The following MARF1 variants were observed in gnomAD, a reference collection of about 807,000 sequenced individuals.
The protein encoded by MARF1 is limkain-b1.
Under a neutral mutation model 168.2 loss-of-function variants are expected in MARF1, and 24 were observed. The observed-to-expected ratio is 0.14, with a 90% confidence interval of 0.10 to 0.20. The LOEUF is 0.20. Ranked by LOEUF, MARF1 falls within the 10% of genes least tolerant of loss-of-function variation. The pLI, the probability that MARF1 is intolerant of heterozygous loss-of-function variation, is 1.00. For missense variants in MARF1, 1,744 were observed against 2,143.6 expected (o/e 0.81, Z 3.68); for synonymous variants, 868 against 822.4 (o/e 1.06, Z -0.95).
Position 15,639,168 on chromosome 16 carries a change from A to G in MARF1, c.66T>C (p.Asn22=), listed in dbSNP as rs946335016. 1 of 1,614,004 alleles carries G rather than the reference A, an allele frequency of 6.2e-7. No individual in the cohort carries two copies. The highest frequency in any genetic ancestry group is 1.7e-5 in the Admixed American group (1 of 59,998). ...ATTTCCAAAGCCATGGCTTAGCATC[A>G]TTATCTTGTTGAAGCCATCCACGTG... The part of the protein sequence containing the change: ...SRTRGWLQQD[N]DAKPWLWKFS... Residue 22 remains asparagine, a synonymous_variant, in exon 2 of 27, where the codon AAT becomes AAC. Coordinates refer to ENST00000396368, the MANE Select transcript of MARF1 (RefSeq NM_014647.4).
Position 15,631,488 on chromosome 16 carries a change from G to A in MARF1, c.1244C>T (p.Ala415Val), listed in dbSNP as rs1245842825. The A allele has an allele frequency of 6.2e-7, 1 of 1,610,150 alleles. No homozygotes were observed. The change falls in exon 6 of 27, where the codon GCC (alanine) becomes GTC (valine). Residue 415 changes from alanine to valine, a missense_variant. Transcript: ENST00000396368. ...ATTCTTTGCAGTAGCATTGATGTGG[G>A]CAACGGTTACCTGCATTAATTTATA... ...QELNNCQVTVAHINATAKNAA... is the reference protein window; with the variant it reads ...QELNNCQVTVVHINATAKNAA...
chr16:15,636,088 G>A lies in MARF1; in HGVS notation c.399C>T (p.Gly133=), dbSNP rs771271360. The A allele has an allele frequency of 2.5e-5, 41 of 1,614,072 alleles. No individual in the cohort carries two copies. Among genetic ancestry groups the A allele is most frequent in the African/African-American group, 2.3e-4 (17 of 74,924 alleles). ...SGGTSSLIHP[G]ALLDSQSTRT... ...TGGTGCTTTGCGAGTCTAACAGTGC[G>A]CCCGGGTGAATCAAGCTACTGGTAC... Residue 133 remains glycine, a synonymous_variant, in exon 3 of 27, where the codon GGC becomes GGT. Transcript: ENST00000396368.
intron 13 of MARF1, among the ~76,000 whole-genome samples, chr16:15,619,045 G>A (rs940933162): frequency 6.6e-6 from 1 of 152,208 alleles, no homozygotes; most frequent in African/African-American, 2.4e-5. Context: ...GGAGGCCTAG[G>A]AGGGAGAATC....
intron 17 of MARF1, among the ~76,000 whole-genome samples, chr16:15,612,232 A>G (rs2033632266): frequency 6.6e-6 from 1 of 152,348 alleles, no homozygotes; most frequent in Middle Eastern, 3.4e-3. Context: ...ACCAACATAC[A>G]AGTATGTGGC....
Position 15,597,011 on chromosome 16 carries a change from T to C in MARF1, c.4985-74A>G. ...GTGTGGGTTTTCTCTTCCTTGCTCA[T>C]ATTTTCTCAAAAGATAATAATAGTA... On this transcript the variant is annotated intron_variant, in intron 26 of 26. Coordinates refer to ENST00000396368, the MANE Select transcript of MARF1 (RefSeq NM_014647.4). The C allele has an allele frequency of 2.0e-6, 3 of 1,467,528 alleles. 1 individual carries two copies. The highest frequency in any genetic ancestry group is 4.6e-5 in the East Asian group (2 of 43,428). The allele number at this position is 1,467,528 out of a possible 1,614,324, so 90.9% of individuals were successfully genotyped here.
intron 23 of MARF1, chr16:15,601,465 G>A (rs1359164577): frequency 1.4e-5 from 3 of 219,750 alleles, no homozygotes; most frequent in Non-Finnish European, 2.8e-5. Flanking sequence ...TTACCTGGAG[G>A]AGCCACGCCC....
In MARF1 at chr16:15,611,018, C is replaced by G; in HGVS notation, c.3708G>C (p.Leu1236Phe). Residue 1236 changes from leucine to phenylalanine, a missense_variant, in exon 19 of 27, where the codon TTG becomes TTC. Around this residue, in one of 7 missense-constraint regions of MARF1, gnomAD observed 543 missense variants for 742.1 expected, o/e 0.73. Transcript: ENST00000396368. ...TCACCATTTCATTATCTTGTTGGGA[C>G]AAGCAGATGGTTGTGTCTGGAATCT... ...VSEIPDTTICLSQQDNEMVIC... is the reference protein window; with the variant it reads ...VSEIPDTTICFSQQDNEMVIC... 2 of 1,613,958 alleles carry G rather than the reference C, an allele frequency of 1.2e-6. No homozygotes were observed. Among genetic ancestry groups the G allele is most frequent in the Non-Finnish European group, 8.5e-7 (1 of 1,179,898 alleles).
intron 1 of MARF1, among the ~76,000 whole-genome samples, chr16:15,640,880 G>A (rs999455000): frequency 1.3e-5 from 2 of 151,976 alleles, no homozygotes; most frequent in Non-Finnish European, 1.5e-5. Context: ...TATTTACTAC[G>A]TGGCTCTTTT....
chr16:15,617,458 C>T lies in MARF1; in HGVS notation c.2798G>A (p.Arg933Gln), dbSNP rs551423314. The change falls in exon 14 of 27, where the codon CGG becomes CAG. Residue 933 changes from arginine to glutamine, a missense_variant. Coordinates refer to ENST00000396368, the MANE Select transcript of MARF1 (RefSeq NM_014647.4). ...TVAIREQGNG[R>Q]LVCLLPSSQA... ...ACTGCTGGGTAGGAGACACACCAGC[C>T]GTCCGTTTCCTTGTTCACGGATTGC... 3 of 1,613,988 alleles carry T rather than the reference C, an allele frequency of 1.9e-6. No individual in the cohort carries two copies. The highest frequency in any genetic ancestry group is 2.2e-5 in the East Asian group (1 of 44,882).
intron 5 of MARF1, 21 bp downstream of exon 5, chr16:15,633,596 T>A (rs1020605422): frequency 3.5e-6 from 5 of 1,444,226 alleles, no homozygotes; most frequent in Non-Finnish European, 4.6e-6. Context: ...AGATTAAAAT[T>A]ATTAAATTTT....
At chr16:15,621,990 G>A (rs1181697647) in intron 11 of MARF1, 79 bp from the exon 12 acceptor site, 1 of 1,366,610 alleles carries the variant, frequency 7.3e-7, no homozygotes, top group Non-Finnish European at 1.0e-6. Flanking sequence ...GAACCATGAA[G>A]GAACACATTT....
Position 15,624,774 on chromosome 16 carries a change from A to T in MARF1, c.2265T>A (p.Ser755=). Reference sequence around the variant, plus strand: ...GGTCAAGAAGCTGGACTCACCTAGAAGACCAAGACTGAGATGCGAGCAGAG... The same window carrying T: ...GGTCAAGAAGCTGGACTCACCTAGATGACCAAGACTGAGATGCGAGCAGAG... ...VSPLLASQSW[S]SRSMSPNLLN... is the part of the protein sequence containing the mutation. The change falls in exon 10 of 27, where the codon TCT becomes TCA. Residue 755 remains serine, a synonymous_variant. Transcript: ENST00000396368. 1 of 1,613,928 alleles carries T rather than the reference A, an allele frequency of 6.2e-7. No individual in the cohort carries two copies. The highest frequency in any genetic ancestry group is 8.5e-7 in the Non-Finnish European group (1 of 1,179,948).
chr16:15,636,427 G>C (rs904030808), intron 2 of MARF1, 85 bp from the exon 3 acceptor site: 59 of 936,640 alleles, frequency 6.3e-5, no homozygotes, highest in Non-Finnish European at 1.8e-5. Flanking sequence ...TGCACAAACA[G>C]AAATAGTGTT....
chr16:15,638,957 G>C (rs753244349), intron 2 of MARF1, 133 bp downstream of exon 2: 1 of 766,582 alleles, frequency 1.3e-6, no homozygotes, highest in Non-Finnish European at 2.0e-6. Flanking sequence ...TGGTATAAGA[G>C]GCAATACAGG....
At chr16:15,618,611 G>A (rs750870835) in intron 13 of MARF1, among the ~76,000 whole-genome samples, 5 of 152,034 alleles carry the variant, frequency 3.3e-5, no homozygotes, top group South Asian at 2.1e-4. Context: ...CTGGGTGCTC[G>A]CCCACATCCC....
chr16:15,636,370 T>G, intron 2 of MARF1, 28 bp from the exon 3 acceptor site: 4 of 1,507,480 alleles, frequency 2.7e-6, no homozygotes, highest in Non-Finnish European at 3.6e-6. Context: ...GAACATAAAT[T>G]AATTTTATGA....
In MARF1 at chr16:15,604,394, G is replaced by C; in HGVS notation, c.4187C>G (p.Ala1396Gly). 6.2e-7 allele frequency: 1 copy of C among 1,611,294 alleles called. No homozygotes were observed. The highest frequency in any genetic ancestry group is 1.1e-5 in the South Asian group (1 of 91,038). The change falls in exon 22 of 27, where the codon GCC becomes GGC. Residue 1396 changes from alanine (A) to glycine (G), a missense_variant. Ala to Gly is a moderately conservative substitution (Grantham distance 60, BLOSUM62 0). Coordinates refer to ENST00000396368, the MANE Select transcript of MARF1 (RefSeq NM_014647.4). ...TQKLCHVVKV[A>G]DIESGRQIQL... ...AATCTGTCTGCCAGATTCTATATCGGCAACCTGGGGAAAACGAGAATTCAC... is the reference window on the plus strand; with the variant it reads ...AATCTGTCTGCCAGATTCTATATCGCCAACCTGGGGAAAACGAGAATTCAC...
At position 15,617,342 on chromosome 16, in the gene MARF1, GATATTC is replaced by G; in HGVS notation, c.2908_2913del (p.Glu970_Tyr971del). 1 of 1,614,142 alleles carries G rather than the reference GATATTC, an allele frequency of 6.2e-7. No homozygotes were observed. Among genetic ancestry groups the G allele is most frequent in the Non-Finnish European group, 8.5e-7 (1 of 1,180,006 alleles). On this transcript the variant is annotated inframe_deletion, in exon 14 of 27. Coordinates refer to ENST00000396368, the MANE Select transcript of MARF1 (RefSeq NM_014647.4). The stretch of plus-strand genomic sequence containing the variant: ...CAATGCTGTCTGCAGACAGGCTCGT[GATATTC>G]TAACTCTTCAAATATAATTGGGCTG...
At chr16:15,601,938 T>C (rs575082505) in intron 23 of MARF1, 53 bp downstream of exon 23, 14 of 1,433,508 alleles carry the variant, frequency 9.8e-6, no homozygotes, top group Middle Eastern at 1.9e-4. Context: ...TCAGGACAGT[T>C]AGCCTGTGGC....
Sources: allele counts gnomAD v4.1 joint callset (sites outside exome capture counted in the v4.1 genomes callset), GRCh38; gene constraint gnomAD v4.1.1; regional missense constraint gnomAD v4.1.1; transcripts MANE v1.5; gene names NCBI Gene and HGNC (gene_info 2026-07-23, HGNC 2026-07-21).